The following RFX7 variants were observed in gnomAD, a reference collection of about 807,000 sequenced individuals.
RFX7 encodes the protein DNA-binding protein RFX7.
In RFX7, 26 loss-of-function variants were observed where a neutral mutation model predicts 111.8. That is an observed-to-expected ratio of 0.23 (90% CI 0.17 to 0.32). The LOEUF is 0.32. Ranked by LOEUF, RFX7 falls within the 10% of genes least tolerant of loss-of-function variation. RFX7 has a pLI of 1.00. For missense variants in RFX7, 1,573 were observed against 1,772.9 expected (o/e 0.89, Z 2.02); for synonymous variants, 624 against 624.4 (o/e 1.00, Z 0.01).
intron 2 of RFX7, among the ~76,000 whole-genome samples, chr15:56,202,476 T>C (rs551247500): frequency 7.2e-5 from 11 of 152,266 alleles, no homozygotes; most frequent in Non-Finnish European, 1.3e-4. Flanking sequence ...CTGGACAGTG[T>C]ATGTCTATGG....
chr15:56,243,053 G>GCCCC, intron 2 of RFX7, 72 bp downstream of exon 2: 1 of 519,400 alleles, frequency 1.9e-6, no homozygotes, highest in Non-Finnish European at 3.3e-6. Context: ...CCCCCCGCCC[G>GCCCC]CCGCCCCCCA....
At chr15:56,121,730 T>G (rs1399875411) in intron 5 of RFX7, among the ~76,000 whole-genome samples, 1 of 152,212 alleles carries the variant, frequency 6.6e-6, no homozygotes, top group Non-Finnish European at 1.5e-5. Flanking sequence ...ATTGTTTTTT[T>G]GTCTCCCTCT....
At chr15:56,216,115 T>C (rs952084837) in intron 2 of RFX7, among the ~76,000 whole-genome samples, 1 of 152,202 alleles carries the variant, frequency 6.6e-6, no homozygotes, top group Non-Finnish European at 1.5e-5. Flanking sequence ...CAGCCCACAC[T>C]CAAGGCAAGG....
chr15:56,184,645 T>C (rs879532124), intron 2 of RFX7, among the ~76,000 whole-genome samples: 14 of 148,008 alleles, frequency 9.5e-5, no homozygotes, highest in South Asian at 2.4e-4. Context: ...TTAAGGCTTT[T>C]GTTCTTCTGT....
chr15:56,185,406 AT>A (rs1201202313), intron 2 of RFX7, among the ~76,000 whole-genome samples: 2 of 152,124 alleles, frequency 1.3e-5, no homozygotes, highest in Admixed American at 1.3e-4. Context: ...TTCCATATAG[AT>A]CTATATTTAA....
At chr15:56,138,561 CTT>C (rs2042340781) in intron 5 of RFX7, among the ~76,000 whole-genome samples, 1 of 151,172 alleles carries the variant, frequency 6.6e-6, no homozygotes, top group Non-Finnish European at 1.5e-5. Context: ...GGTCTTGACT[CTT>C]TATCCAATTT....
At chr15:56,117,053 A>G (rs567867285) in intron 5 of RFX7, among the ~76,000 whole-genome samples, 1 of 152,316 alleles carries the variant, frequency 6.6e-6, no homozygotes, top group African/African-American at 2.4e-5. Context: ...GTTATGAGGC[A>G]GGATTATGGT....
At chr15:56,224,817 A>G (rs1191924425) in intron 2 of RFX7, among the ~76,000 whole-genome samples, 1 of 152,008 alleles carries the variant, frequency 6.6e-6, no homozygotes, top group Non-Finnish European at 1.5e-5. Flanking sequence ...CTACTTTTTG[A>G]AAATCATCCC....
At chr15:56,159,350 T>G (rs957778206) in intron 3 of RFX7, among the ~76,000 whole-genome samples, 4 of 152,206 alleles carry the variant, frequency 2.6e-5, no homozygotes, top group Non-Finnish European at 5.9e-5. Context: ...GTATTTCGCC[T>G]GGTAATCTCC....
intron 2 of RFX7, among the ~76,000 whole-genome samples, chr15:56,235,164 C>T (rs2043608836): frequency 6.7e-6 from 1 of 150,174 alleles, no homozygotes; most frequent in South Asian, 2.2e-4. Flanking sequence ...CAGTAATCCC[C>T]TGTTCTCGTT....
At chr15:56,238,708 A>T (rs762695547) in intron 2 of RFX7, among the ~76,000 whole-genome samples, 2 of 152,230 alleles carry the variant, frequency 1.3e-5, no homozygotes, top group African/African-American at 4.8e-5. Flanking sequence ...CAGTATTGGA[A>T]TATTTTCTAA....
At chr15:56,109,974 G>GC (rs1197076243) in intron 5 of RFX7, among the ~76,000 whole-genome samples, 3 of 140,536 alleles carry the variant, frequency 2.1e-5, no homozygotes, top group Admixed American at 6.9e-5. Flanking sequence ...GGGGGGATCA[G>GC]CCCCCTGCCC....
chr15:56,105,783 G>C (rs1438476883), intron 5 of RFX7, among the ~76,000 whole-genome samples: 1 of 152,168 alleles, frequency 6.6e-6, no homozygotes, highest in Non-Finnish European at 1.5e-5. Context: ...TTGGGTCAAG[G>C]TTGAGGACTG....
At chr15:56,107,738 T>C (rs764391158) in intron 5 of RFX7, among the ~76,000 whole-genome samples, 2 of 152,302 alleles carry the variant, frequency 1.3e-5, no homozygotes, top group Middle Eastern at 3.4e-3. Flanking sequence ...TTATTGCTAA[T>C]TGATAACTAT....
chr15:56,177,739 C>T (rs2042917562), intron 3 of RFX7, among the ~76,000 whole-genome samples: 1 of 152,244 alleles, frequency 6.6e-6, no homozygotes, highest in South Asian at 2.1e-4. Context: ...AGAACTGTGT[C>T]TGTCTTGCTT....
chr15:56,106,862 T>C (rs2041836506), intron 5 of RFX7, among the ~76,000 whole-genome samples: 1 of 151,182 alleles, frequency 6.6e-6, no homozygotes, highest in Non-Finnish European at 1.5e-5. Flanking sequence ...CATCTCATTT[T>C]CCTGCTTCAC....
At chr15:56,154,281 C>T (rs2042618357) in intron 3 of RFX7, among the ~76,000 whole-genome samples, 1 of 152,176 alleles carries the variant, frequency 6.6e-6, no homozygotes, top group Admixed American at 6.5e-5. Flanking sequence ...GAAAAAACTA[C>T]TTTAAACTAC....
chr15:56,159,906 C>G (rs534143381), intron 3 of RFX7, among the ~76,000 whole-genome samples: 65 of 152,250 alleles, frequency 4.3e-4, no homozygotes, highest in African/African-American at 1.5e-3. Context: ...ATGGAGAGAT[C>G]TGCTCCTGTT....
intron 2 of RFX7, among the ~76,000 whole-genome samples, chr15:56,219,154 T>C (rs1157162832): frequency 6.6e-6 from 1 of 152,194 alleles, no homozygotes; most frequent in Non-Finnish European, 1.5e-5. Flanking sequence ...TTCATATACA[T>C]TGACACTCCA....
Sources: gnomAD v4.1 joint callset for allele counts (sites outside exome capture counted in the v4.1 genomes callset) on GRCh38, gnomAD v4.1.1 for gene constraint, MANE v1.5 for transcripts, NCBI Gene and HGNC (gene_info 2026-07-23, HGNC 2026-07-21) for gene names.